Variants in WLS observed in about 807,000 individuals in gnomAD.
The protein encoded by WLS is protein wntless homolog.
A neutral mutation model predicts 62.8 loss-of-function variants in WLS; 23 were observed. That is an observed-to-expected ratio of 0.37 (90% CI 0.26 to 0.52). The LOEUF (loss-of-function observed/expected upper bound fraction) is 0.52. Ranked by LOEUF, WLS falls within the 20% of genes least tolerant of loss-of-function variation. The pLI is 0.92. For missense variants in WLS, 615 were observed against 697.3 expected, an observed-to-expected ratio of 0.88 and a Z score of 1.33; for synonymous variants, 246 against 244.1, an observed-to-expected ratio of 1.01 and a Z score of -0.07.
At chr1:68,215,224 A>G (rs998594132) in intron 1 of WLS, among the ~76,000 whole-genome samples, 3 of 152,148 alleles carry the variant, frequency 2.0e-5, no homozygotes, top group East Asian at 1.9e-4. Flanking sequence ...TCTCCAATAA[A>G]TCTTCCTTCT....
At chr1:68,109,090 A>G (rs942296096) in intron 11 of WLS, among the ~76,000 whole-genome samples, 7 of 152,258 alleles carry the variant, frequency 4.6e-5, no homozygotes, top group African/African-American at 1.7e-4. Context: ...TTCACCCCCA[A>G]CAAAGACCTG....
chr1:68,137,751 T>G, intron 11 of WLS, 29 bp downstream of exon 11: 1 of 1,606,562 alleles, frequency 6.2e-7, no homozygotes, highest in Non-Finnish European at 8.5e-7. Context: ...TATCCTGACT[T>G]AAGCTGTTCT....
rs1247182493 is a variant in WLS, at chr1:68,194,206, A to G, written c.128T>C (p.Val43Ala). ...GLIAPGPTTAVSYMSVKCVDA... is the reference protein window; with the variant it reads ...GLIAPGPTTAASYMSVKCVDA... ...CACACATTTCACCGACATGTAGGAC[A>G]CTGCCGTTGTGGGCCCTGGAGCTGA... is the stretch of plus-strand genomic sequence containing the variant. Residue 43 changes from valine (V) to alanine (A), a missense_variant, in exon 2 of 12, where the codon GTG becomes GCG. Val to Ala is a moderately conservative substitution (Grantham distance 64). Transcript: ENST00000262348. 6.2e-7 allele frequency: 1 copy of G among 1,614,150 alleles called. No homozygotes were observed. The highest frequency in any genetic ancestry group is 1.1e-5 in the South Asian group (1 of 91,062).
Position 68,150,204 on chromosome 1 carries a change from C to T in WLS, c.956G>A (p.Cys319Tyr). 1 of 1,614,158 alleles carries T rather than the reference C, an allele frequency of 6.2e-7. No individual in the cohort carries two copies. The highest frequency in any genetic ancestry group is 8.5e-7 in the Non-Finnish European group (1 of 1,180,036). The change falls in exon 6 of 12, where the codon TGT (cysteine) becomes TAT (tyrosine). Residue 319 changes from cysteine to tyrosine, a missense_variant. Transcript: ENST00000262348. ...AMLLSFWIIF[C>Y]GEHMMDQHER... ...GGCTCTTACCATCATGTGCTCGCCA[C>T]AGAAGATGATCCAGAAGGACAGAAG... is the stretch of plus-strand genomic sequence containing the variant.
intron 2 of WLS, among the ~76,000 whole-genome samples, chr1:68,168,120 C>A (rs1264410014): frequency 6.6e-6 from 1 of 151,914 alleles, no homozygotes; most frequent in African/African-American, 2.4e-5. Flanking sequence ...GAGGGGGGTG[C>A]TAGAAATCGC....
intron 5 of WLS, 142 bp from the exon 6 acceptor site, chr1:68,150,498 T>C (rs888563317): frequency 2.6e-6 from 3 of 1,170,030 alleles, no homozygotes; most frequent in South Asian, 1.5e-5. Flanking sequence ...TGCACAGAGA[T>C]GCAAAACGTC....
chr1:68,142,647 A>G (rs536195536), intron 10 of WLS: 3 of 152,366 alleles, frequency 2.0e-5, no homozygotes, highest in Admixed American at 2.0e-4. Context: ...ACAACCTGAT[A>G]TAAACACAGC....
intron 2 of WLS, among the ~76,000 whole-genome samples, chr1:68,180,186 A>G (rs542926127): frequency 4.9e-4 from 74 of 151,772 alleles, no homozygotes; most frequent in Non-Finnish European, 8.8e-4. Flanking sequence ...CTGCTTGACC[A>G]CTACCAGTAA....
intron 3 of WLS, among the ~76,000 whole-genome samples, chr1:68,156,617 T>TCC (rs1646903896): frequency 6.6e-6 from 1 of 152,188 alleles, no homozygotes; most frequent in African/African-American, 2.4e-5. Flanking sequence ...GTCAACAGTT[T>TCC]TTATCCCTAA....
intron 6 of WLS, among the ~76,000 whole-genome samples, chr1:68,149,591 A>G (rs1383522122): frequency 6.6e-6 from 1 of 152,210 alleles, no homozygotes; most frequent in South Asian, 2.1e-4. Flanking sequence ...CTTAGCCACA[A>G]TGTGATGATG....
intron 10 of WLS, among the ~76,000 whole-genome samples, chr1:68,144,321 G>T (rs1286810308): frequency 6.6e-6 from 1 of 152,158 alleles, no homozygotes; most frequent in African/African-American, 2.4e-5. Context: ...AATAAAATAT[G>T]TGCCCTTCAA....
At chr1:68,218,760 G>A (rs906473831) in intron 1 of WLS, among the ~76,000 whole-genome samples, 1 of 152,176 alleles carries the variant, frequency 6.6e-6, no homozygotes, top group Non-Finnish European at 1.5e-5. Flanking sequence ...GAATCCTGAA[G>A]GAATGTGCGA....
chr1:68,106,716 C>CTGTGTGTGTGTGTGTGTGTG (rs59601112), intron 11 of WLS, among the ~76,000 whole-genome samples: 15 of 146,708 alleles, frequency 1.0e-4, no homozygotes, highest in African/African-American at 3.8e-4. Flanking sequence ...GTGTTTGTCA[C>CTGTGTGTGTGTGTGTGTGTG]TGTGTGTGTG....
chr1:68,115,112 G>A (rs895028075), intron 11 of WLS, among the ~76,000 whole-genome samples: 7 of 152,150 alleles, frequency 4.6e-5, no homozygotes, highest in African/African-American at 7.2e-5. Flanking sequence ...CACCACACCC[G>A]GTCATGGGTT....
chr1:68,137,910 C>T lies in WLS; in HGVS notation c.1386G>A (p.Trp462Ter). 1 of 1,613,860 alleles carries T rather than the reference C, an allele frequency of 6.2e-7. No individual in the cohort carries two copies. The highest frequency in any genetic ancestry group is 8.5e-7 in the Non-Finnish European group (1 of 1,179,852). The change falls in exon 11 of 12, where the codon TGG (tryptophan) becomes TGA (stop). Residue 462 changes from tryptophan (W) to a stop codon, truncating the protein, a stop_gained. Coordinates refer to ENST00000262348, the MANE Select transcript of WLS (RefSeq NM_024911.7). LOFTEE classifies it high-confidence loss of function. ...TGTTCACTTGGACTGTGACGCCGCC[C>T]CATTTCCAATGGCCTTCCGTTACCT... ...VSQVTEGHWK[W>*]GGVTVQVNSA...
intron 2 of WLS, among the ~76,000 whole-genome samples, chr1:68,169,100 G>A (rs530427293): frequency 1.3e-5 from 2 of 152,186 alleles, no homozygotes; most frequent in Non-Finnish European, 2.9e-5. Context: ...GAATTGCAGA[G>A]AATTATCTTC....
intron 2 of WLS, among the ~76,000 whole-genome samples, chr1:68,164,848 G>A (rs531222360): frequency 6.6e-6 from 1 of 152,236 alleles, no homozygotes. Flanking sequence ...GGACACCAGG[G>A]GAATATGTAG....
rs561340458 is a variant in WLS at position 68,103,963 on chromosome 1, G to A, written c.1511-5210C>T. Among the ~76,000 whole-genome samples the A allele has an allele frequency of 3.3e-5, 5 of 152,234 alleles. No individual in the cohort carries two copies. In the South Asian group the frequency reaches 6.2e-4, roughly 19 times the overall value. On this transcript the variant is annotated intron_variant, in intron 11 of 11. Transcript: ENST00000354777. ...TTCCTCCTTGACTTGGCTGTCTGGC[G>A]GAGCTCACAGAGGTTTCTTCATAAG... is the stretch of plus-strand genomic sequence containing the variant.
chr1:68,170,718 CT>C (rs1647140819), intron 2 of WLS, among the ~76,000 whole-genome samples: 1 of 148,410 alleles, frequency 6.7e-6, no homozygotes. Flanking sequence ...GCACCCCCCC[CT>C]TGCTCCCACA....
Sources: allele counts gnomAD v4.1 joint callset (sites outside exome capture counted in the v4.1 genomes callset), GRCh38; gene constraint gnomAD v4.1.1; transcripts MANE v1.5; gene names NCBI Gene and HGNC (gene_info 2026-07-23, HGNC 2026-07-21).